ZNF700: variants seen among roughly 807,000 people sequenced by gnomAD.
The protein encoded by ZNF700 is zinc finger protein 700.
Under a neutral mutation model 65.3 loss-of-function variants are expected in ZNF700, and 38 were observed. The observed-to-expected ratio is 0.58, with a 90% confidence interval of 0.45 to 0.76. The LOEUF is 0.76. ZNF700 is among the 30% of genes least tolerant of loss of function. The pLI is 0.00. For synonymous variants in ZNF700, 285 were observed against 290.4 expected, an observed-to-expected ratio of 0.98 and a Z score of 0.19; for missense variants, 857 against 888.4, an observed-to-expected ratio of 0.96 and a Z score of 0.45.
intron 1 of ZNF700, among the ~76,000 whole-genome samples, chr19:11,930,546 G>A (rs1972698089): frequency 6.7e-6 from 1 of 148,434 alleles, no homozygotes; most frequent in Non-Finnish European, 1.5e-5. Context: ...ACTATAACCG[G>A]CAACTCTAGA....
At chr19:11,947,051 G>A in intron 1 of ZNF700, 130 bp from the exon 2 acceptor site, 3 of 1,407,152 alleles carry the variant, frequency 2.1e-6, no homozygotes, top group Non-Finnish European at 2.8e-6. Flanking sequence ...GAGAGAAAGG[G>A]ATCTGATAAC....
At chr19:11,946,250 C>T (rs950016413) in intron 1 of ZNF700, among the ~76,000 whole-genome samples, 1 of 151,996 alleles carries the variant, frequency 6.6e-6, no homozygotes, top group African/African-American at 2.4e-5. Flanking sequence ...GGGTTTCTCC[C>T]GCAGCTTCAC....
chr19:11,926,475 A>C (rs1383395144), intron 1 of ZNF700: 2 of 152,322 alleles, frequency 1.3e-5, no homozygotes, highest in Non-Finnish European at 2.9e-5. Context: ...TGCAACCTCC[A>C]CCTTCCGGGT....
At chr19:11,933,278 A>G (rs1417578113) in intron 1 of ZNF700, among the ~76,000 whole-genome samples, 1 of 148,274 alleles carries the variant, frequency 6.7e-6, no homozygotes, top group African/African-American at 2.6e-5. Context: ...TTTTAAACCA[A>G]GGAAACCATA....
In ZNF700 at chr19:11,950,271, A is replaced by G. The variant is rs373805013; in HGVS notation, c.*18A>G. 1.3e-6 allele frequency: 2 copies of G among 1,592,654 alleles called. No homozygotes were observed. Among genetic ancestry groups the G allele is most frequent in the Non-Finnish European group, 1.7e-6 (2 of 1,172,048 alleles). ...TCAGCTAGCCTGGTTCCTTTTATGG[A>G]CATGAATAGACTCACACTGGAAGGA... On this transcript the variant is annotated 3_prime_UTR_variant, in exon 4 of 4. Coordinates refer to ENST00000254321, the MANE Select transcript of ZNF700 (RefSeq NM_144566.3).
At chr19:11,944,447 T>C (rs919740839) in intron 1 of ZNF700, among the ~76,000 whole-genome samples, 1 of 152,196 alleles carries the variant, frequency 6.6e-6, no homozygotes, top group Non-Finnish European at 1.5e-5. Context: ...GTAGGCAGCA[T>C]GCAGTATCCA....
intron 1 of ZNF700, among the ~76,000 whole-genome samples, chr19:11,932,934 G>T (rs1972737184): frequency 6.7e-6 from 1 of 148,358 alleles, no homozygotes; most frequent in East Asian, 1.9e-4. Flanking sequence ...ACTGCACCCG[G>T]CCAATATGTG....
chr19:11,928,386 A>ATT (rs1302757577), intron 1 of ZNF700, among the ~76,000 whole-genome samples: 7 of 152,136 alleles, frequency 4.6e-5, no homozygotes, highest in Non-Finnish European at 8.8e-5. Flanking sequence ...TTAAGAGTGA[A>ATT]TTTAACATTC....
intron 1 of ZNF700, among the ~76,000 whole-genome samples, chr19:11,934,531 G>A (rs1225078965): frequency 2.0e-5 from 3 of 147,422 alleles, no homozygotes; most frequent in African/African-American, 8.0e-5. Flanking sequence ...TTGTTTGTTT[G>A]TTTGTTTGTT....
intron 1 of ZNF700, 123 bp downstream of exon 1, chr19:11,925,396 T>G (rs1972610410): frequency 6.8e-7 from 1 of 1,467,074 alleles, no homozygotes; most frequent in Non-Finnish European, 9.1e-7. Context: ...CGAGTCCTCC[T>G]TGAGCAGTTC....
At position 11,950,242 on chromosome 19, in the gene ZNF700, G is replaced by A. The variant is rs754064284; in HGVS notation, c.2218G>A (p.Ala740Thr). The part of the protein sequence containing the change: ...KPYECKDCGK[A>T]FS ...ATATGAATGTAAGGATTGTGGGAAA[G>A]CATTCAGCTAGCCTGGTTCCTTTTA... Residue 740 changes from alanine (A) to threonine (T), a missense_variant, in exon 4 of 4, where the codon GCA (alanine) becomes ACA (threonine). Transcript: ENST00000254321. The A allele has an allele frequency of 1.9e-5, 31 of 1,609,808 alleles. No individual in the cohort carries two copies. The highest frequency in any genetic ancestry group is 2.4e-5 in the Non-Finnish European group (28 of 1,178,702).
At chr19:11,933,658 G>A (rs2145278927) in intron 1 of ZNF700, among the ~76,000 whole-genome samples, 2 of 148,026 alleles carry the variant, frequency 1.4e-5, no homozygotes, top group Middle Eastern at 6.8e-3. Context: ...CTTCCTCGAT[G>A]TAAAAATATG....
At chr19:11,947,103 A>T in intron 1 of ZNF700, 78 bp from the exon 2 acceptor site, 1 of 1,547,576 alleles carries the variant, frequency 6.5e-7, no homozygotes, top group South Asian at 1.3e-5. Context: ...GCATCCTGAG[A>T]ACTTCTTGGG....
chr19:11,937,393 G>A (rs1972812247), intron 1 of ZNF700, among the ~76,000 whole-genome samples: 1 of 151,948 alleles, frequency 6.6e-6, no homozygotes, highest in African/African-American at 2.4e-5. Context: ...GCCCAGGCTG[G>A]TCTCGAACTG....
chr19:11,936,986 T>C (rs8109969), intron 1 of ZNF700, among the ~76,000 whole-genome samples: 7,823 of 152,270 alleles, frequency 0.051, 278 homozygotes, highest in African/African-American at 0.095. Context: ...TCGTCAAAGA[T>C]CAGATGGTTG....
At chr19:11,943,228 G>C (rs937355410) in intron 1 of ZNF700, among the ~76,000 whole-genome samples, 5 of 152,290 alleles carry the variant, frequency 3.3e-5, no homozygotes, top group African/African-American at 1.2e-4. Context: ...TGCCAACTTT[G>C]TTATGTCCTT....
Position 11,947,231 on chromosome 19 carries a change from G to C in ZNF700, c.114G>C (p.Trp38Cys), listed in dbSNP as rs1412308445. 7 of 1,613,918 alleles carry C rather than the reference G, an allele frequency of 4.3e-6. No homozygotes were observed. The African/African-American group carries it at 5.3e-5, about 12-fold the overall frequency. Residue 38 changes from tryptophan to cysteine, a missense_variant, in exon 2 of 4, where the codon TGG becomes TGC. By Grantham distance (215) the Trp-to-Cys change is radical. Coordinates refer to ENST00000254321, the MANE Select transcript of ZNF700 (RefSeq NM_144566.3). ...DVAVNFTQEEWTLLDISQKNL... is the reference protein window; with the variant it reads ...DVAVNFTQEECTLLDISQKNL... ...CTGTGAACTTCACCCAGGAAGAGTGGACATTGCTGGATATTTCCCAGAAGA... is the reference window on the plus strand; with the variant it reads ...CTGTGAACTTCACCCAGGAAGAGTGCACATTGCTGGATATTTCCCAGAAGA...
chr19:11,945,884 G>A (rs1292849362), intron 1 of ZNF700, among the ~76,000 whole-genome samples: 1 of 152,088 alleles, frequency 6.6e-6, no homozygotes, highest in African/African-American at 2.4e-5. Flanking sequence ...ATTACTTCAT[G>A]TACCCCTATA....
Position 11,950,469 on chromosome 19 carries a change from C to A in ZNF700, c.*216C>A. ...AAAGGACTCACACGGGAGAGAAACCCTATGAGTGTATTCTAGTTCCGTTTG... is the reference window on the plus strand; with the variant it reads ...AAAGGACTCACACGGGAGAGAAACCATATGAGTGTATTCTAGTTCCGTTTG... On this transcript the variant is annotated 3_prime_UTR_variant, in exon 4 of 4. Transcript: ENST00000254321. 1 of 690,226 alleles carries A rather than the reference C, an allele frequency of 1.4e-6. No homozygotes were observed. The highest frequency in any genetic ancestry group is 1.7e-5 in the South Asian group (1 of 60,516). 42.8% of individuals were successfully genotyped at this position (690,226 alleles called of 1,614,324 possible). A position where few individuals can be genotyped will look rare whatever the true frequency, so the allele number is the denominator to read the frequency against.
Sources: gnomAD v4.1 joint callset for allele counts (sites outside exome capture counted in the v4.1 genomes callset) on GRCh38, gnomAD v4.1.1 for gene constraint, MANE v1.5 for transcripts, NCBI Gene and HGNC (gene_info 2026-07-23, HGNC 2026-07-21) for gene names.